Variants in EPHB2 observed in about 807,000 individuals in gnomAD.
EPHB2 encodes the protein ephrin type-B receptor 2.
A neutral mutation model predicts 96.4 loss-of-function variants in EPHB2; 18 were observed. The ratio of observed to expected loss-of-function variants is 0.19; its 90% CI spans 0.13 to 0.28. The LOEUF (loss-of-function observed/expected upper bound fraction) is 0.28. Ranked by LOEUF, EPHB2 falls within the 10% of genes least tolerant of loss-of-function variation. The probability of loss-of-function intolerance (pLI) is 1.00; values close to 1 mark genes in which losing one functional copy is unlikely to be tolerated. For synonymous variants in EPHB2, 506 were observed against 534.1 expected (o/e 0.95, Z 0.72); for missense variants, 989 against 1,355.4 (o/e 0.73, Z 4.25).
At position 22,790,527 on chromosome 1, in the gene EPHB2, G is replaced by A. The variant is rs1224984981; in HGVS notation, c.811+5451G>A. Among the ~76,000 whole-genome samples, 1 of 152,176 alleles carries A rather than the reference G, an allele frequency of 6.6e-6. No individual in the cohort carries two copies. Among genetic ancestry groups the A allele is most frequent in the Non-Finnish European group, 1.5e-5 (1 of 68,044 alleles). ...TGACTCTTTCTAGAGTATGATAGGT[G>A]TGATTGTGAATGTTCCCCTGCCCCA... On this transcript the variant is annotated intron_variant, in intron 3 of 15. Transcript: ENST00000374630. The surrounding 1 kb of genome is among the most constrained non-coding windows in gnomAD (Gnocchi z 4.0).
chr1:22,894,256 C>T (rs1042936244), intron 7 of EPHB2, among the ~76,000 whole-genome samples: 10 of 152,130 alleles, frequency 6.6e-5, no homozygotes, highest in African/African-American at 1.4e-4. Context: ...GGTCCCAGAG[C>T]GCGTCCCTGA....
chr1:22,768,295 T>A (rs943299399), intron 1 of EPHB2, among the ~76,000 whole-genome samples: 2 of 152,178 alleles, frequency 1.3e-5, no homozygotes, highest in Non-Finnish European at 2.9e-5. Flanking sequence ...ACATGGATCC[T>A]TTACACAAGA....
Position 22,913,053 on chromosome 1 carries a change from C to T in EPHB2, c.2853-409C>T, listed in dbSNP as rs536671267. ...ACTAAAATGCAAAAAATTAGCCACG[C>T]AAGGTGGCATGCACCTGTAATGCCA... On this transcript the variant is annotated intron_variant, in intron 15 of 15. Transcript: ENST00000374630. This position sits in a 1 kb window ranked among gnomAD's most constrained non-coding sequence, Gnocchi z 4.1. 4.8e-5 allele frequency: 17 copies of T among 353,912 alleles called. No individual in the cohort carries two copies. Among genetic ancestry groups the T allele is most frequent in the African/African-American group, 3.2e-4 (15 of 47,342 alleles). The allele number at this position is 353,912 out of a possible 1,614,324, so 21.9% of individuals were successfully genotyped here.
intron 6 of EPHB2, among the ~76,000 whole-genome samples, chr1:22,883,772 GC>G (rs1196814737): frequency 6.6e-6 from 1 of 152,160 alleles, no homozygotes; most frequent in Non-Finnish European, 1.5e-5. Flanking sequence ...ACCATTGCTT[GC>G]GTGCGTGTTC....
At chr1:22,797,135 T>C (rs1050797098) in intron 3 of EPHB2, among the ~76,000 whole-genome samples, 1 of 152,176 alleles carries the variant, frequency 6.6e-6, no homozygotes, top group Non-Finnish European at 1.5e-5. Context: ...CTAGAAAGGG[T>C]CAGAGCTGGG....
At position 22,733,765 on chromosome 1, in the gene EPHB2, TG is replaced by T. The variant is rs1333480726; in HGVS notation, c.61+22724del. On this transcript the variant is annotated intron_variant, in intron 1 of 15. Coordinates refer to ENST00000374630, the MANE Select transcript of EPHB2 (RefSeq NM_017449.5). This position sits in a 1 kb window ranked among gnomAD's most constrained non-coding sequence, Gnocchi z 4.6. ...CTCATGACACGCTACTACATCAGGC[TG>T]GTATGATTTGGTGGGGACAGAGCTA... 3.3e-5 allele frequency among the ~76,000 whole-genome samples: 5 copies of T among 152,246 alleles called. No homozygotes were observed. In the East Asian group the frequency reaches 9.7e-4, roughly 29 times the overall value.
At chr1:22,845,117 G>A (rs1178950871) in intron 3 of EPHB2, among the ~76,000 whole-genome samples, 1 of 152,210 alleles carries the variant, frequency 6.6e-6, no homozygotes, top group East Asian at 1.9e-4. Context: ...AGTGGTGAGC[G>A]AGCAGTGGCT....
At chr1:22,893,174 C>G in intron 7 of EPHB2, 128 bp downstream of exon 7, 3 of 1,424,912 alleles carry the variant, frequency 2.1e-6, no homozygotes, top group Middle Eastern at 3.5e-4. Flanking sequence ...TGTCAGCCCT[C>G]CCTCCCTCCT....
intron 3 of EPHB2, among the ~76,000 whole-genome samples, chr1:22,847,811 CCA>C (rs775834403): frequency 1.6e-4 from 25 of 152,320 alleles, no homozygotes; most frequent in Non-Finnish European, 2.9e-4. Flanking sequence ...ACCCTGTGCT[CCA>C]GTCCCTCCAT....
chr1:22,882,261 T>C (rs955985380), intron 5 of EPHB2, 98 bp from the exon 6 acceptor site: 2 of 1,576,418 alleles, frequency 1.3e-6, no homozygotes, highest in African/African-American at 2.7e-5. Context: ...CCCTCTCTGA[T>C]CCCACAGTGC....
intron 6 of EPHB2, among the ~76,000 whole-genome samples, chr1:22,887,181 T>C (rs1639253742): frequency 6.6e-6 from 1 of 151,998 alleles, no homozygotes; most frequent in Non-Finnish European, 1.5e-5. Flanking sequence ...ATGAAAATAT[T>C]AGAGGAGGTG....
intron 3 of EPHB2, among the ~76,000 whole-genome samples, chr1:22,809,233 A>G (rs1644970575): frequency 6.6e-6 from 1 of 152,220 alleles, no homozygotes. Context: ...GGGTCTGTGC[A>G]GAGAAGGGAA....
intron 3 of EPHB2, among the ~76,000 whole-genome samples, chr1:22,852,632 CA>C: frequency 6.6e-6 from 1 of 152,290 alleles, no homozygotes. Flanking sequence ...GGCCATGAAA[CA>C]CCCTCACCAG....
intron 1 of EPHB2, among the ~76,000 whole-genome samples, chr1:22,759,671 T>C (rs1324324497): frequency 6.6e-6 from 1 of 152,178 alleles, no homozygotes; most frequent in Non-Finnish European, 1.5e-5. Context: ...GCCACCTCCC[T>C]CACCAGGTGG....
At chr1:22,898,603 G>C (rs1211439739) in intron 9 of EPHB2, among the ~76,000 whole-genome samples, 1 of 152,172 alleles carries the variant, frequency 6.6e-6, no homozygotes, top group Non-Finnish European at 1.5e-5. Flanking sequence ...TGAGCAGAGG[G>C]ATGACATGCT....
At chr1:22,817,808 C>G (rs888592012) in intron 3 of EPHB2, among the ~76,000 whole-genome samples, 1 of 152,230 alleles carries the variant, frequency 6.6e-6, no homozygotes, top group Non-Finnish European at 1.5e-5. Flanking sequence ...GCAGTGGTCT[C>G]AGCCTCACTG....
chr1:22,886,293 A>G (rs977165627), intron 6 of EPHB2, among the ~76,000 whole-genome samples: 5 of 152,226 alleles, frequency 3.3e-5, no homozygotes, highest in African/African-American at 9.6e-5. Flanking sequence ...TGCATTCAGG[A>G]AACAGACAAG....
chr1:22,844,038 A>G (rs1645506322), intron 3 of EPHB2, among the ~76,000 whole-genome samples: 1 of 151,778 alleles, frequency 6.6e-6, no homozygotes, highest in African/African-American at 2.4e-5. Flanking sequence ...TTCTTTATTC[A>G]TTCTACTGTT....
At chr1:22,813,682 C>T (rs929228995) in intron 3 of EPHB2, among the ~76,000 whole-genome samples, 1 of 152,216 alleles carries the variant, frequency 6.6e-6, no homozygotes, top group East Asian at 1.9e-4. Flanking sequence ...AGCCATGTGA[C>T]CACAGCAAGT....
Sources: allele counts gnomAD v4.1 joint callset (sites outside exome capture counted in the v4.1 genomes callset), GRCh38; gene constraint gnomAD v4.1.1; non-coding constraint Gnocchi (gnomAD v3.1); transcripts MANE v1.5; gene names NCBI Gene and HGNC (gene_info 2026-07-23, HGNC 2026-07-21).